ZSCAN25: variants seen among roughly 807,000 people sequenced by gnomAD.
ZSCAN25 encodes zinc finger and SCAN domain-containing protein 25.
A neutral mutation model predicts 38.7 loss-of-function variants in ZSCAN25; 27 were observed. The ratio of observed to expected loss-of-function variants is 0.70; its 90% CI spans 0.51 to 0.96. ZSCAN25 has a LOEUF of 0.96. Among genes scored for constraint, ZSCAN25 ranks in the 40% least tolerant of loss-of-function variants. The pLI is 0.00. For missense variants in ZSCAN25, 637 were observed against 705.9 expected, an observed-to-expected ratio of 0.90 and a Z score of 1.11; for synonymous variants, 273 against 277.7, an observed-to-expected ratio of 0.98 and a Z score of 0.17.
At chr7:99,690,265 C>T in the ZSCAN25 span, among the ~76,000 whole-genome samples, 2 of 152,270 alleles carry the variant, frequency 1.3e-5, no homozygotes, top group African/African-American at 4.8e-5. Flanking sequence ...GAAACTGGAT[C>T]CCTTCCTTAC....
At chr7:99,735,033 G>C in the ZSCAN25 span, 3 of 1,614,124 alleles carry the variant, frequency 1.9e-6, no homozygotes, top group Non-Finnish European at 2.5e-6. Flanking sequence ...AGATAGAGGA[G>C]TATCAGGCTG....
the ZSCAN25 span, chr7:99,717,045 T>G: frequency 2.1e-6 from 2 of 950,064 alleles, no homozygotes; most frequent in Non-Finnish European, 3.3e-6. Flanking sequence ...GGAGACCCAT[T>G]GAAGTTGCAT....
the ZSCAN25 span, among the ~76,000 whole-genome samples, chr7:99,691,088 A>G: frequency 2.6e-5 from 4 of 152,226 alleles, no homozygotes; most frequent in African/African-American, 7.2e-5. Flanking sequence ...TGTGGCACAT[A>G]TACACCATGG....
chr7:99,644,491 G>T, the ZSCAN25 span, among the ~76,000 whole-genome samples: 1 of 152,046 alleles, frequency 6.6e-6, no homozygotes, highest in African/African-American at 2.4e-5. Flanking sequence ...AGCATGAGGG[G>T]GACTAAAAGC....
chr7:99,720,447 C>T, the ZSCAN25 span: 1 of 1,611,112 alleles, frequency 6.2e-7, no homozygotes, highest in Non-Finnish European at 8.5e-7. Flanking sequence ...TAAACATCAA[C>T]AGCCTTATGC....
chr7:99,680,609 G>C, the ZSCAN25 span, among the ~76,000 whole-genome samples: 2 of 152,126 alleles, frequency 1.3e-5, no homozygotes, highest in African/African-American at 4.8e-5. Flanking sequence ...CTGTACACAT[G>C]GTGGGTAACC....
the ZSCAN25 span, among the ~76,000 whole-genome samples, chr7:99,641,398 C>T: frequency 5.9e-5 from 9 of 152,250 alleles, no homozygotes; most frequent in East Asian, 1.9e-4. Flanking sequence ...TACCTTCCTT[C>T]GGGTCCCTCC....
At chr7:99,678,605 T>C in the ZSCAN25 span, among the ~76,000 whole-genome samples, 2 of 152,240 alleles carry the variant, frequency 1.3e-5, no homozygotes, top group African/African-American at 4.8e-5. Context: ...TCACAAATAC[T>C]GAACTAACAG....
At chr7:99,672,477 T>TTTTTTAG in the ZSCAN25 span, 925 of 1,000,808 alleles carry the variant, frequency 9.2e-4, 4 homozygotes, top group Middle Eastern at 5.9e-3. Context: ...GGAACCTTCC[T>TTTTTTAG]GTACATTTTT....
At chr7:99,688,357 G>C in the ZSCAN25 span, among the ~76,000 whole-genome samples, 2 of 152,160 alleles carry the variant, frequency 1.3e-5, no homozygotes, top group Non-Finnish European at 2.9e-5. Context: ...ACAAAAAAAG[G>C]CAGGGGTTGG....
the ZSCAN25 span, chr7:99,660,671 G>C: frequency 5.6e-6 from 9 of 1,613,096 alleles, no homozygotes; most frequent in South Asian, 9.9e-5. Flanking sequence ...TGAAAGGAGA[G>C]GAAAGACATT....
At chr7:99,627,847 T>C (rs1444750903) in intron 7 of ZSCAN25, among the ~76,000 whole-genome samples, 1 of 152,028 alleles carries the variant, frequency 6.6e-6, no homozygotes, top group East Asian at 1.9e-4. Context: ...TGTATATGTA[T>C]AGTATATATA....
At chr7:99,724,132 C>A in the ZSCAN25 span, among the ~76,000 whole-genome samples, 1 of 152,162 alleles carries the variant, frequency 6.6e-6, no homozygotes, top group African/African-American at 2.4e-5. Context: ...TTTCTCTGGG[C>A]TTGCCCCCTT....
chr7:99,721,919 C>T, the ZSCAN25 span, among the ~76,000 whole-genome samples: 1 of 152,204 alleles, frequency 6.6e-6, no homozygotes, highest in Non-Finnish European at 1.5e-5. Flanking sequence ...CAACCTTACA[C>T]AAAAATATTT....
At chr7:99,663,161 T>C in the ZSCAN25 span, 1 of 1,159,230 alleles carries the variant, frequency 8.6e-7, no homozygotes, top group Non-Finnish European at 1.1e-6. Flanking sequence ...GATACAGCTT[T>C]CTGGCCAAAG....
chr7:99,705,509 A>G, the ZSCAN25 span: 1 of 1,613,576 alleles, frequency 6.2e-7, no homozygotes, highest in East Asian at 2.2e-5. Flanking sequence ...ATCAGGCTCC[A>G]CTTACGGTCT....
intron 7 of ZSCAN25, among the ~76,000 whole-genome samples, chr7:99,624,901 C>T (rs904946169): frequency 4.6e-5 from 7 of 152,144 alleles, no homozygotes; most frequent in African/African-American, 1.4e-4. Context: ...ATCAGGATGC[C>T]GGCGGGGAGA....
the ZSCAN25 span, among the ~76,000 whole-genome samples, chr7:99,691,721 G>C: frequency 3.3e-5 from 5 of 152,084 alleles, no homozygotes; most frequent in Non-Finnish European, 7.4e-5. Context: ...TGCAACCCCT[G>C]CTTTTTTTTG....
chr7:99,682,156 CAT>C, the ZSCAN25 span, among the ~76,000 whole-genome samples: 4 of 152,076 alleles, frequency 2.6e-5, no homozygotes, highest in Middle Eastern at 3.4e-3. Flanking sequence ...TTTTGGTAGA[CAT>C]GTGGTTTCAC....
Sources: allele counts gnomAD v4.1 joint callset (sites outside exome capture counted in the v4.1 genomes callset), GRCh38; gene constraint gnomAD v4.1.1; transcripts MANE v1.5; gene names NCBI Gene and HGNC (gene_info 2026-07-23, HGNC 2026-07-21).